Variants in LINGO2 observed in about 807,000 individuals in gnomAD.
LINGO2 encodes the protein leucine-rich repeat and immunoglobulin-like domain-containing nogo receptor-interacting protein 2.
In LINGO2, 14 loss-of-function variants were observed where a neutral mutation model predicts 30.6. The observed-to-expected ratio is 0.46, with a 90% CI of 0.30 to 0.72. LINGO2 has a LOEUF of 0.72. LINGO2 is among the 30% of genes least tolerant of loss of function. LINGO2 has a pLI of 0.07. For synonymous variants in LINGO2, 317 were observed against 288.5 expected, an observed-to-expected ratio of 1.10 and a Z score of -1.00; for missense variants, 729 against 751.7, an observed-to-expected ratio of 0.97 and a Z score of 0.35.
chr9:28,216,926 T>G (rs942320937), intron 4 of LINGO2, among the ~76,000 whole-genome samples: 41 of 151,958 alleles, frequency 2.7e-4, no homozygotes, highest in African/African-American at 9.6e-4. Flanking sequence ...CTTGCGCACA[T>G]GAAATTTCAA....
At chr9:28,024,490 A>G (rs1445166325) in intron 4 of LINGO2, among the ~76,000 whole-genome samples, 1 of 152,122 alleles carries the variant, frequency 6.6e-6, no homozygotes, top group Non-Finnish European at 1.5e-5. Context: ...GGATTCCTTC[A>G]TCTTGTTCAG....
intron 4 of LINGO2, among the ~76,000 whole-genome samples, chr9:28,193,101 C>T (rs933104373): frequency 3.3e-5 from 5 of 152,124 alleles, no homozygotes; most frequent in Non-Finnish European, 7.4e-5. Context: ...ATAGATTACA[C>T]TGATGTTCTC....
chr9:28,573,947 G>A (rs1211919181), intron 1 of LINGO2, among the ~76,000 whole-genome samples: 1 of 151,944 alleles, frequency 6.6e-6, no homozygotes, highest in Non-Finnish European at 1.5e-5. Flanking sequence ...ATTTAGATGA[G>A]AGGCAGTCAG....
intron 2 of LINGO2, among the ~76,000 whole-genome samples, chr9:28,431,439 A>G (rs1396011211): frequency 6.6e-6 from 1 of 152,224 alleles, no homozygotes; most frequent in Non-Finnish European, 1.5e-5. Context: ...CACATATTAA[A>G]TCCCTTAAAT....
chr9:28,093,297 C>T (rs765424769), intron 4 of LINGO2, among the ~76,000 whole-genome samples: 5 of 152,020 alleles, frequency 3.3e-5, no homozygotes, highest in Non-Finnish European at 7.4e-5. Flanking sequence ...AAAAAAAATC[C>T]CTGGTCATTA....
intron 4 of LINGO2, among the ~76,000 whole-genome samples, chr9:28,016,559 A>G (rs969521164): frequency 6.6e-6 from 1 of 152,054 alleles, no homozygotes; most frequent in African/African-American, 2.4e-5. Context: ...GAACACCTCT[A>G]TGCACACAAG....
the LINGO2 span, among the ~76,000 whole-genome samples, chr9:29,165,168 T>C: frequency 6.6e-6 from 1 of 152,168 alleles, no homozygotes; most frequent in Non-Finnish European, 1.5e-5. Context: ...ATGGGAAAAC[T>C]TATATCTATA....
chr9:28,833,758 T>C, the LINGO2 span, among the ~76,000 whole-genome samples: 1,006 of 152,278 alleles, frequency 6.6e-3, 7 homozygotes, highest in Non-Finnish European at 0.011. Flanking sequence ...AGCAACAGCA[T>C]ATAAAAAGAA....
the LINGO2 span, among the ~76,000 whole-genome samples, chr9:28,950,755 C>A: frequency 3.3e-5 from 5 of 152,028 alleles, no homozygotes; most frequent in Admixed American, 1.3e-4. Context: ...AGGACACAAA[C>A]AAATAGAAAA....
At chr9:28,506,935 A>T (rs1278229408) in intron 1 of LINGO2, among the ~76,000 whole-genome samples, 2 of 152,056 alleles carry the variant, frequency 1.3e-5, no homozygotes, top group African/African-American at 4.8e-5. Context: ...TTATTTTCCT[A>T]CATTACTATA....
chr9:28,334,288 T>C (rs1446173114), intron 3 of LINGO2, among the ~76,000 whole-genome samples: 1 of 152,216 alleles, frequency 6.6e-6, no homozygotes, highest in Non-Finnish European at 1.5e-5. Context: ...TTGTAAATCC[T>C]GTATTTATAT....
In LINGO2 at chr9:27,962,738, A is replaced by G. The variant is rs138262334; in HGVS notation, c.-35-12032T>C. On this transcript the variant is annotated intron_variant, in intron 5 of 5. Transcript: ENST00000379992. ...AGCTTTCACTGTCAGCAGAAGTCTT[A>G]CAATCCAAAGCTTGCTCATAATGTC... Among the ~76,000 whole-genome samples, 895 of 152,310 alleles carry G rather than the reference A, an allele frequency of 5.9e-3. 5 individuals are homozygous for G. The highest frequency in any genetic ancestry group is 9.6e-3 in the Non-Finnish European group (652 of 68,022).
In LINGO2 at chr9:28,585,515, G is replaced by A. The variant is rs572789084; in HGVS notation, c.-365+84685C>T. ...TCAGTAGAAACCATACTTCAGTACA[G>A]TATTAAGTAAATTATATAAGATATT... On this transcript the variant is annotated intron_variant, in intron 1 of 5. Transcript: ENST00000379992. 9.9e-5 allele frequency among the ~76,000 whole-genome samples: 15 copies of A among 152,088 alleles called. 1 individual carries two copies. In the South Asian group the frequency reaches 3.1e-3, roughly 32 times the overall value.
chr9:28,264,517 T>C (rs1280480962), intron 4 of LINGO2, among the ~76,000 whole-genome samples: 1 of 151,954 alleles, frequency 6.6e-6, no homozygotes, highest in Non-Finnish European at 1.5e-5. Flanking sequence ...ATTTCTGAAA[T>C]ATTCCTGTTA....
intron 1 of LINGO2, among the ~76,000 whole-genome samples, chr9:28,525,630 AAGT>A (rs1423742781): frequency 6.6e-6 from 1 of 152,316 alleles, no homozygotes; most frequent in African/African-American, 2.4e-5. Context: ...TAGAGACAGA[AAGT>A]AGATCAGTGG....
At chr9:28,735,649 G>A in the LINGO2 span, among the ~76,000 whole-genome samples, 68 of 151,890 alleles carry the variant, frequency 4.5e-4, no homozygotes, top group Admixed American at 3.9e-3. Flanking sequence ...TAAATATCTT[G>A]AAAACTCTTT....
At chr9:29,084,714 C>T in the LINGO2 span, among the ~76,000 whole-genome samples, 3 of 151,878 alleles carry the variant, frequency 2.0e-5, no homozygotes, top group Non-Finnish European at 4.4e-5. Flanking sequence ...CAAATTTCCG[C>T]TTTTAAGAGC....
intron 4 of LINGO2, among the ~76,000 whole-genome samples, chr9:28,168,780 C>T (rs1313693646): frequency 1.3e-5 from 2 of 152,208 alleles, no homozygotes; most frequent in Non-Finnish European, 2.9e-5. Context: ...GCATGTATTA[C>T]AATTGGGACA....
In LINGO2 at chr9:28,564,213, T is replaced by C. The variant is rs188917292; in HGVS notation, c.-364-88188A>G. ...TCATATGGAACAATAGTCTTTTACA[T>C]AGAAAGAAAATATGATTATATTATT... On this transcript the variant is annotated intron_variant, in intron 1 of 5. Transcript: ENST00000379992. Among the ~76,000 whole-genome samples the C allele has an allele frequency of 3.4e-3, 523 of 152,176 alleles. 3 individuals are homozygous for C. Among genetic ancestry groups the C allele is most frequent in the Non-Finnish European group, 5.3e-3 (363 of 68,008 alleles).
Sources: gnomAD v4.1 joint callset for allele counts (sites outside exome capture counted in the v4.1 genomes callset) on GRCh38, gnomAD v4.1.1 for gene constraint, MANE v1.5 for transcripts, NCBI Gene and HGNC (gene_info 2026-07-23, HGNC 2026-07-21) for gene names.